HMGB1: variants seen among roughly 807,000 people sequenced by gnomAD.
HMGB1 encodes the protein high mobility group box 1.
For synonymous variants in HMGB1, 81 were observed against 84.0 expected (o/e 0.96, Z 0.19); for missense variants, 79 against 253.5 (o/e 0.31, Z 4.67).
chr13:30,464,399 G>C (rs1480339621), intron 1 of HMGB1: 2 of 985,310 alleles, frequency 2.0e-6, no homozygotes, highest in African/African-American at 1.7e-5. Flanking sequence ...CTCGTGGCTC[G>C]GTGGCCCCCT....
At chr13:30,549,474 T>C (rs144631030) in intron 1 of HMGB1, among the ~76,000 whole-genome samples, 6 of 152,272 alleles carry the variant, frequency 3.9e-5, no homozygotes, top group African/African-American at 1.4e-4. Context: ...ACTGCAGCTC[T>C]TGGGCTCAAG....
intron 1 of HMGB1, among the ~76,000 whole-genome samples, chr13:30,513,615 T>C (rs1455139941): frequency 6.6e-6 from 1 of 152,256 alleles, no homozygotes; most frequent in Non-Finnish European, 1.5e-5. Context: ...CAGGCCTGTA[T>C]GTCCAAGTTT....
intron 1 of HMGB1, among the ~76,000 whole-genome samples, chr13:30,577,849 G>A (rs1219422504): frequency 1.3e-5 from 2 of 152,180 alleles, no homozygotes; most frequent in Non-Finnish European, 2.9e-5. Context: ...AACCACCTAA[G>A]CCACAAGGCT....
At chr13:30,593,703 T>C (rs1283117213) in intron 1 of HMGB1, among the ~76,000 whole-genome samples, 2 of 152,244 alleles carry the variant, frequency 1.3e-5, no homozygotes, top group Non-Finnish European at 2.9e-5. Context: ...TTGAATGGAC[T>C]ACTGTTTCCA....
In HMGB1 at chr13:30,545,248, CA is replaced by C. The variant is rs1869094366; in HGVS notation, c.-15+71422del. 2.6e-5 allele frequency among the ~76,000 whole-genome samples: 4 copies of C among 151,818 alleles called. No homozygotes were observed. In the South Asian group the frequency reaches 8.3e-4, roughly 32 times the overall value. ...GCCAGGAGTTCAAGGTCAGCCTGGG[CA>C]ATACAGTGAGACCCTATCTCAAAAC... On this transcript the variant is annotated intron_variant, in intron 1 of 4. Transcript: ENST00000405805.
intron 1 of HMGB1, among the ~76,000 whole-genome samples, chr13:30,613,745 C>T (rs1474476934): frequency 6.6e-6 from 1 of 152,054 alleles, no homozygotes; most frequent in Admixed American, 6.5e-5. Context: ...GGTGTTGACT[C>T]CACTATACAA....
At chr13:30,570,732 C>T (rs1240697350) in intron 1 of HMGB1, among the ~76,000 whole-genome samples, 1 of 152,168 alleles carries the variant, frequency 6.6e-6, no homozygotes, top group Non-Finnish European at 1.5e-5. Flanking sequence ...AGTTCATCTC[C>T]TGGTTATTAA....
Position 30,493,709 on chromosome 13 carries a change from A to T in HMGB1, c.-14-30015T>A, listed in dbSNP as rs138141788. Among the ~76,000 whole-genome samples, 946 of 152,304 alleles carry T rather than the reference A, an allele frequency of 6.2e-3. 4 individuals carry two copies. Among genetic ancestry groups the T allele is most frequent in the Middle Eastern group, 0.017 (5 of 294 alleles). On this transcript the variant is annotated intron_variant, in intron 1 of 4. Coordinates refer to the HMGB1 transcript ENST00000405805. ...GCTACTTGTGAGGCTGAATGGGAGG[A>T]TCTCTTGAGCCCAGGAGTTTGAGGC...
At chr13:30,482,581 C>A (rs1269694950) in intron 1 of HMGB1, among the ~76,000 whole-genome samples, 1 of 152,096 alleles carries the variant, frequency 6.6e-6, no homozygotes, top group African/African-American at 2.4e-5. Context: ...AGCTAGTGTT[C>A]CAAACCCATC....
rs768531116 is a variant in HMGB1, at chr13:30,571,582, C to A, written c.-15+45089G>T. 2.6e-5 allele frequency among the ~76,000 whole-genome samples: 4 copies of A among 152,182 alleles called. No individual in the cohort carries two copies. The South Asian group carries it at 8.3e-4, about 31-fold the overall frequency. On this transcript the variant is annotated intron_variant, in intron 1 of 4. Transcript: ENST00000405805. ...GTGCTGGGATTACAGGCGTGAGCCA[C>A]CGTACCCAGCCTAAATGGCCAAGTT...
chr13:30,512,894 G>A (rs918424175), intron 1 of HMGB1, among the ~76,000 whole-genome samples: 2 of 152,176 alleles, frequency 1.3e-5, no homozygotes, highest in African/African-American at 4.8e-5. Flanking sequence ...CGCACACAGT[G>A]GCTCACACCT....
intron 1 of HMGB1, among the ~76,000 whole-genome samples, chr13:30,533,681 T>C (rs9578183): frequency 0.25 from 37,815 of 151,934 alleles, 4,655 homozygotes; most frequent in Middle Eastern, 0.43. Context: ...TTGGATTACA[T>C]GACTCTCAGT....
At chr13:30,522,660 G>T (rs1888266273) in intron 1 of HMGB1, among the ~76,000 whole-genome samples, 1 of 152,140 alleles carries the variant, frequency 6.6e-6, no homozygotes, top group African/African-American at 2.4e-5. Flanking sequence ...GTTTGCAGCA[G>T]CTCAGTAAGA....
At chr13:30,552,648 A>G (rs1270364130) in intron 1 of HMGB1, among the ~76,000 whole-genome samples, 1 of 152,188 alleles carries the variant, frequency 6.6e-6, no homozygotes, top group African/African-American at 2.4e-5. Flanking sequence ...AGCTAGACCC[A>G]TTTTAATTCT....
At chr13:30,576,683 C>T (rs529683729) in intron 1 of HMGB1, among the ~76,000 whole-genome samples, 33 of 152,038 alleles carry the variant, frequency 2.2e-4, no homozygotes, top group Non-Finnish European at 3.5e-4. Context: ...CCTCTCTCCA[C>T]ATCAGCATCG....
Position 30,530,559 on chromosome 13 carries a change from T to C in HMGB1, c.-14-66865A>G, listed in dbSNP as rs1454786535. ...TCTTACAGATCTGCTCACTGAAGTG[T>C]GCAAATATATAGGTAAAAGTATTTT... On this transcript the variant is annotated intron_variant, in intron 1 of 4. Transcript: ENST00000405805. 2.6e-5 allele frequency among the ~76,000 whole-genome samples: 4 copies of C among 152,184 alleles called. No homozygotes were observed. The East Asian group carries it at 7.7e-4, about 29-fold the overall frequency.
At chr13:30,609,313 G>A (rs556514447) in intron 1 of HMGB1, among the ~76,000 whole-genome samples, 1 of 152,216 alleles carries the variant, frequency 6.6e-6, no homozygotes, top group African/African-American at 2.4e-5. Context: ...TCATTGGTAA[G>A]CGTAAGAAAA....
chr13:30,582,176 G>A (rs1341310509), intron 1 of HMGB1, among the ~76,000 whole-genome samples: 1 of 152,110 alleles, frequency 6.6e-6, no homozygotes, highest in East Asian at 1.9e-4. Flanking sequence ...TTAAGCAAGA[G>A]GAGATCCAGG....
chr13:30,593,203 C>T (rs575717041), intron 1 of HMGB1, among the ~76,000 whole-genome samples: 1 of 152,246 alleles, frequency 6.6e-6, no homozygotes, highest in East Asian at 1.9e-4. Context: ...TTTAGGTATT[C>T]CCCCTCCAGT....
Sources: allele counts gnomAD v4.1 joint callset (sites outside exome capture counted in the v4.1 genomes callset), GRCh38; gene constraint gnomAD v4.1.1; transcripts MANE v1.5; gene names NCBI Gene and HGNC (gene_info 2026-07-23, HGNC 2026-07-21).